Variants in CYYR1 observed in about 807,000 individuals in gnomAD.
The protein encoded by CYYR1 is cysteine and tyrosine rich 1.
A neutral mutation model predicts 15.2 loss-of-function variants in CYYR1; 14 were observed. The observed-to-expected ratio is 0.92, with a 90% CI of 0.61 to 1.44. The LOEUF (loss-of-function observed/expected upper bound fraction) is 1.44, where lower values mean the gene tolerates loss of function less well. Among genes scored for constraint, CYYR1 ranks in the 40% most tolerant of loss-of-function variants. The pLI is 0.00. For synonymous variants in CYYR1, 80 were observed against 77.4 expected (o/e 1.03, Z -0.18); for missense variants, 228 against 209.5 (o/e 1.09, Z -0.54).
chr21:26,522,245 T>C (rs2065812092), intron 2 of CYYR1, among the ~76,000 whole-genome samples: 1 of 152,222 alleles, frequency 6.6e-6, no homozygotes, highest in Non-Finnish European at 1.5e-5. Context: ...CTTGACCTAG[T>C]CTTGATCTAC....
At position 26,468,437 on chromosome 21, in the gene CYYR1, G is replaced by T; in HGVS notation, c.*64C>A. 3 of 1,047,482 alleles carry T rather than the reference G, an allele frequency of 2.9e-6. No homozygotes were observed. Among genetic ancestry groups the T allele is most frequent in the Non-Finnish European group, 3.0e-6 (2 of 662,586 alleles). 64.9% of individuals were successfully genotyped at this position (1,047,482 alleles called of 1,614,324 possible). A position where few individuals can be genotyped will look rare whatever the true frequency, so the allele number is the denominator to read the frequency against. ...GAGCAATTCTTTCCTGCCTGTTTCT[G>T]AGTAGAGGCATTTTATTCCAGGCAA... On this transcript the variant is annotated 3_prime_UTR_variant, in exon 4 of 4. Transcript: ENST00000652641.
intron 2 of CYYR1, among the ~76,000 whole-genome samples, chr21:26,500,665 A>C (rs2065468997): frequency 6.6e-6 from 1 of 151,980 alleles, no homozygotes; most frequent in Admixed American, 6.6e-5. Context: ...GTGGGCCTGC[A>C]CTGGGGGTGG....
intron 2 of CYYR1, among the ~76,000 whole-genome samples, chr21:26,564,357 T>C (rs1980458316): frequency 1.3e-5 from 2 of 152,236 alleles, no homozygotes; most frequent in African/African-American, 4.8e-5. Context: ...TACTCAGAGG[T>C]TTCTATTTTG....
At chr21:26,497,161 A>G (rs945291490) in intron 2 of CYYR1, among the ~76,000 whole-genome samples, 3 of 152,176 alleles carry the variant, frequency 2.0e-5, no homozygotes, top group Non-Finnish European at 4.4e-5. Context: ...TCCTTAAAAC[A>G]TCCTCATATT....
Position 26,566,323 on chromosome 21 carries a change from C to G in CYYR1, c.119G>C (p.Cys40Ser). 6.2e-7 allele frequency: 1 copy of G among 1,613,906 alleles called. No individual in the cohort carries two copies. Among genetic ancestry groups the G allele is most frequent in the East Asian group, 2.2e-5 (1 of 44,854 alleles). The change falls in exon 2 of 4, where the codon TGT becomes TCT. Residue 40 changes from cysteine (C) to serine (S), a missense_variant. Physicochemically the swap from Cys to Ser is moderately radical, Grantham distance 112. Transcript: ENST00000652641. ...QCGKDCKSYC[C>S]DGTTPYCCSY... is the part of the protein sequence containing the mutation. ...GCAACAGTAGGGCGTGGTTCCATCA[C>G]AGCAGTAAGATTTGCAATCTTTGCC...
intron 2 of CYYR1, among the ~76,000 whole-genome samples, chr21:26,538,669 T>A (rs544913621): frequency 3.8e-4 from 58 of 152,272 alleles, no homozygotes; most frequent in Non-Finnish European, 6.9e-4. Flanking sequence ...AAAAACCCCA[T>A]TTGGGAGCAA....
At chr21:26,482,126 G>A (rs1177867008) in intron 2 of CYYR1, 2 of 263,926 alleles carry the variant, frequency 7.6e-6, no homozygotes, top group Non-Finnish European at 5.9e-6. Context: ...TACTATTTGG[G>A]AATGCAGATC....
In CYYR1 at chr21:26,468,438, A is replaced by T; in HGVS notation, c.*63T>A. ...AGCAATTCTTTCCTGCCTGTTTCTG[A>T]GTAGAGGCATTTTATTCCAGGCAAG... On this transcript the variant is annotated 3_prime_UTR_variant, in exon 4 of 4. Transcript: ENST00000652641. The T allele has an allele frequency of 9.5e-7, 1 of 1,056,102 alleles. No individual in the cohort carries two copies. Among genetic ancestry groups the T allele is most frequent in the Non-Finnish European group, 1.5e-6 (1 of 670,438 alleles). 65.4% of individuals were successfully genotyped at this position (1,056,102 alleles called of 1,614,324 possible).
intron 2 of CYYR1, among the ~76,000 whole-genome samples, chr21:26,537,559 G>A (rs762859282): frequency 4.6e-5 from 7 of 152,158 alleles, no homozygotes; most frequent in Non-Finnish European, 1.0e-4. Context: ...ACAGAGAAGA[G>A]CACACGCCAA....
chr21:26,534,440 C>T (rs955679936), intron 2 of CYYR1, among the ~76,000 whole-genome samples: 1 of 152,136 alleles, frequency 6.6e-6, no homozygotes, highest in African/African-American at 2.4e-5. Flanking sequence ...CTTGCTCAGT[C>T]ATCAGGGAGG....
chr21:26,535,893 CAGAGA>C (rs1241018143), intron 2 of CYYR1, among the ~76,000 whole-genome samples: 2 of 152,050 alleles, frequency 1.3e-5, no homozygotes, highest in African/African-American at 4.8e-5. Context: ...TCTAAGTTGC[CAGAGA>C]AGCATGAGAA....
At chr21:26,499,094 A>G (rs533350497) in intron 2 of CYYR1, among the ~76,000 whole-genome samples, 16 of 152,322 alleles carry the variant, frequency 1.1e-4, no homozygotes, top group South Asian at 4.1e-4. Context: ...GGAGGCTGCT[A>G]TGGTAACTGA....
chr21:26,530,741 C>CTGTTCT (rs1470283369), intron 2 of CYYR1, among the ~76,000 whole-genome samples: 1 of 152,008 alleles, frequency 6.6e-6, no homozygotes, highest in East Asian at 1.9e-4. Context: ...TGTTATTTTG[C>CTGTTCT]TGAGAATGAT....
intron 2 of CYYR1, among the ~76,000 whole-genome samples, chr21:26,519,503 A>G (rs2065775363): frequency 6.6e-6 from 1 of 152,150 alleles, no homozygotes; most frequent in Admixed American, 6.6e-5. Flanking sequence ...GCATATGGGA[A>G]AAATGGCAGG....
At chr21:26,565,826 A>G (rs1053836019) in intron 2 of CYYR1, among the ~76,000 whole-genome samples, 1 of 152,180 alleles carries the variant, frequency 6.6e-6, no homozygotes, top group Non-Finnish European at 1.5e-5. Flanking sequence ...TTTTTTATTC[A>G]TAACCTCTCT....
At chr21:26,480,505 T>C in intron 2 of CYYR1, 76 bp from the exon 3 acceptor site, 1 of 1,404,380 alleles carries the variant, frequency 7.1e-7, no homozygotes, top group South Asian at 1.4e-5. Context: ...GCTCCATGAT[T>C]ATAGGACAAG....
chr21:26,468,638 A>G lies in CYYR1; in HGVS notation c.335-4T>C. Reference sequence around the variant, plus strand: ...TGACCGTAGGGTGGTGGTCCTGCTGAAAAAGAAGGGGAAGAGAACATCAAG... The same window carrying G: ...TGACCGTAGGGTGGTGGTCCTGCTGGAAAAGAAGGGGAAGAGAACATCAAG... On this transcript the variant is annotated splice_region_variant and splice_polypyrimidine_tract_variant and intron_variant, in intron 3 of 3. Coordinates refer to ENST00000652641, the MANE Select transcript of CYYR1 (RefSeq NM_001320768.2). 6.3e-7 allele frequency: 1 copy of G among 1,592,764 alleles called. No homozygotes were observed. The highest frequency in any genetic ancestry group is 8.6e-7 in the Non-Finnish European group (1 of 1,167,554).
chr21:26,540,423 G>A (rs1879644962), intron 2 of CYYR1, among the ~76,000 whole-genome samples: 1 of 152,090 alleles, frequency 6.6e-6, no homozygotes, highest in Non-Finnish European at 1.5e-5. Flanking sequence ...TAAAAACCAG[G>A]GGACAGAGTT....
At chr21:26,468,710 A>G in intron 3 of CYYR1, 76 bp from the exon 4 acceptor site, 1 of 1,153,242 alleles carries the variant, frequency 8.7e-7, no homozygotes, top group Non-Finnish European at 1.2e-6. Flanking sequence ...CCACTGGGCT[A>G]GATACTTTGG....
Sources: gnomAD v4.1 joint callset for allele counts (sites outside exome capture counted in the v4.1 genomes callset) on GRCh38, gnomAD v4.1.1 for gene constraint, MANE v1.5 for transcripts, NCBI Gene and HGNC (gene_info 2026-07-23, HGNC 2026-07-21) for gene names.